CDC20B: variants seen among roughly 807,000 people sequenced by gnomAD.
The protein encoded by CDC20B is cell division cycle 20B.
CDC20B carries 58 observed loss-of-function variants against 64.1 expected under a neutral mutation model. The ratio of observed to expected loss-of-function variants is 0.90; its 90% CI spans 0.73 to 1.13. CDC20B has a LOEUF of 1.13. Ranked by LOEUF, CDC20B falls within the 50% of genes most tolerant of loss-of-function variation. The probability of loss-of-function intolerance (pLI) is 0.00; values close to 1 mark genes in which losing one functional copy is unlikely to be tolerated. For missense variants in CDC20B, 597 were observed against 633.0 expected, an observed-to-expected ratio of 0.94 and a Z score of 0.61; for synonymous variants, 243 against 230.6, an observed-to-expected ratio of 1.05 and a Z score of -0.49.
chr5:55,127,439 A>AT, intron 7 of CDC20B, 88 bp from the exon 8 acceptor site: 1 of 1,014,326 alleles, frequency 9.9e-7, no homozygotes, highest in Admixed American at 1.8e-5. Context: ...ATTACTGCTG[A>AT]TATTGTTAGT....
intron 2 of CDC20B, among the ~76,000 whole-genome samples, chr5:55,152,018 G>A (rs944838240): frequency 6.6e-6 from 1 of 152,252 alleles, no homozygotes; most frequent in East Asian, 1.9e-4. Flanking sequence ...ATCCCTGTAA[G>A]AGGAAGGCAG....
At chr5:55,144,544 T>A (rs1743419570) in intron 3 of CDC20B, among the ~76,000 whole-genome samples, 1 of 152,180 alleles carries the variant, frequency 6.6e-6, no homozygotes, top group African/African-American at 2.4e-5. Flanking sequence ...ACTGGGACAT[T>A]CAAAATTTAA....
chr5:55,168,383 C>T (rs1744485617), intron 2 of CDC20B, among the ~76,000 whole-genome samples: 1 of 151,878 alleles, frequency 6.6e-6, no homozygotes, highest in Non-Finnish European at 1.5e-5. Flanking sequence ...TCAGCAGAAC[C>T]TCCCTCCTCT....
rs76668286 is a variant in CDC20B at position 55,114,125 on chromosome 5, T to C, written c.*93A>G. On this transcript the variant is annotated 3_prime_UTR_variant, in exon 12 of 12. Coordinates refer to ENST00000381375, the MANE Select transcript of CDC20B (RefSeq NM_001170402.1). This position sits in a 1 kb window ranked among gnomAD's most constrained non-coding sequence, Gnocchi z 4.1. ...ACATCAAGAAGAGTATTTCAACTTG[T>C]TTGATACTCATAAAAACCCCATGGA... The C allele has an allele frequency of 1.3e-6, 2 of 1,495,764 alleles. No homozygotes were observed. The highest frequency in any genetic ancestry group is 2.5e-5 in the East Asian group (1 of 39,812). The allele number at this position is 1,495,764 out of a possible 1,614,324, so 92.7% of individuals were successfully genotyped here.
In CDC20B at chr5:55,142,368, G is replaced by A. The variant is rs139417777; in HGVS notation, c.486+1145C>T. ...AAAAAATGCTCTCCTTAACACCATA[G>A]AACAGCTTCCATTATCCCCTGCCCA... On this transcript the variant is annotated intron_variant, in intron 4 of 11. Transcript: ENST00000381375. 3.9e-5 allele frequency among the ~76,000 whole-genome samples: 6 copies of A among 152,200 alleles called. No homozygotes were observed. In the East Asian group the frequency reaches 1.2e-3, roughly 29 times the overall value.
At chr5:55,131,946 T>A (rs1378945204) in intron 6 of CDC20B, among the ~76,000 whole-genome samples, 1 of 151,892 alleles carries the variant, frequency 6.6e-6, no homozygotes, top group Non-Finnish European at 1.5e-5. Context: ...TGCCTGTAGC[T>A]ACACGCCCAG....
intron 11 of CDC20B, among the ~76,000 whole-genome samples, chr5:55,117,570 A>T (rs755267716): frequency 9.2e-5 from 14 of 152,162 alleles, no homozygotes; most frequent in Non-Finnish European, 1.8e-4. Flanking sequence ...GATCTCAGTC[A>T]TCAGGTGTAT....
intron 4 of CDC20B, 112 bp from the exon 5 acceptor site, chr5:55,140,519 T>C: frequency 1.6e-6 from 1 of 626,894 alleles, no homozygotes; most frequent in Non-Finnish European, 2.7e-6. Context: ...AGTTCAAAGA[T>C]TCCACATTGT....
chr5:55,146,858 T>C lies in CDC20B; in HGVS notation c.127-2A>G. 6.2e-7 allele frequency: 1 copy of C among 1,612,678 alleles called. No individual in the cohort carries two copies. Among genetic ancestry groups the C allele is most frequent in the Non-Finnish European group, 8.5e-7 (1 of 1,178,802 alleles). ...CGTAGCATTAACTGAATCGAGTACC[T>C]GTTTAACAACAAAAACAGCTGTAAG... is the stretch of plus-strand genomic sequence containing the variant. On this transcript the variant is annotated splice_acceptor_variant, in intron 2 of 11. Transcript: ENST00000381375. LOFTEE classifies it high-confidence loss of function.
chr5:55,164,386 A>G (rs1321683688), intron 2 of CDC20B: 2 of 405,196 alleles, frequency 4.9e-6, no homozygotes, highest in Non-Finnish European at 4.3e-6. Context: ...ATGCTATTAA[A>G]TGTGGCAATG....
At chr5:55,122,865 G>A (rs537335647) in intron 9 of CDC20B, among the ~76,000 whole-genome samples, 1 of 152,306 alleles carries the variant, frequency 6.6e-6, no homozygotes, top group African/African-American at 2.4e-5. Flanking sequence ...TTCCGATGCT[G>A]TCTGACTGCA....
In CDC20B at chr5:55,172,669, C is replaced by CAAT; in HGVS notation, c.64-20_64-19insATT. On this transcript the variant is annotated intron_variant, in intron 1 of 11. Transcript: ENST00000381375. ...TACTTTCCTTTGAAAACACAGATAA[C>CAAT]ATATTGAGGGAGAAACTATTTAGGA... The CAAT allele has an allele frequency of 6.4e-7, 1 of 1,565,538 alleles. No individual in the cohort carries two copies. The highest frequency in any genetic ancestry group is 8.8e-7 in the Non-Finnish European group (1 of 1,138,368).
At position 55,160,871 on chromosome 5, in the gene CDC20B, A is replaced by G. The variant is rs898069094; in HGVS notation, c.126+11717T>C. On this transcript the variant is annotated intron_variant, in intron 2 of 11. Transcript: ENST00000381375. ...AATAGAACTGTGTATGTCCAAAAAT[A>G]TGAAAAAAACATCAATCAGAGGTTA... The G allele has an allele frequency of 5.6e-6, 6 of 1,063,854 alleles. No homozygotes were observed. The Admixed American group carries it at 8.8e-5, about 16-fold the overall frequency. 65.9% of individuals were successfully genotyped at this position (1,063,854 alleles called of 1,614,324 possible). A position where few individuals can be genotyped will look rare whatever the true frequency, so the allele number is the denominator to read the frequency against.
chr5:55,172,445 A>G, intron 2 of CDC20B, 143 bp downstream of exon 2: 1 of 624,438 alleles, frequency 1.6e-6, no homozygotes, highest in East Asian at 2.8e-5. Context: ...TTCATAAAGA[A>G]ATTTTTTTTA....
intron 5 of CDC20B, among the ~76,000 whole-genome samples, chr5:55,133,797 C>A (rs1743088061): frequency 6.6e-6 from 1 of 152,082 alleles, no homozygotes. Context: ...GAAGATAGAT[C>A]TTGTGAGGAG....
chr5:55,156,071 C>G (rs1743800622), intron 2 of CDC20B, among the ~76,000 whole-genome samples: 1 of 152,164 alleles, frequency 6.6e-6, no homozygotes, highest in South Asian at 2.1e-4. Context: ...CTAGGGAGTC[C>G]TCACAATCAT....
chr5:55,169,747 C>T (rs962986173), intron 2 of CDC20B, among the ~76,000 whole-genome samples: 37 of 152,140 alleles, frequency 2.4e-4, no homozygotes, highest in Admixed American at 3.3e-4. Context: ...GGAAAATTAC[C>T]TCAACTTTCC....
rs551341380 is a variant in CDC20B, at chr5:55,127,398, G to A, written c.895-47C>T. 51 of 1,474,808 alleles carry A rather than the reference G, an allele frequency of 3.5e-5. 1 individual carries two copies. The South Asian group carries it at 5.4e-4, about 16-fold the overall frequency. 91.4% of individuals were successfully genotyped at this position (1,474,808 alleles called of 1,614,324 possible). A position where few individuals can be genotyped will look rare whatever the true frequency, so the allele number is the denominator to read the frequency against. On this transcript the variant is annotated intron_variant, in intron 7 of 11. Transcript: ENST00000381375. Reference sequence around the variant, plus strand: ...GTTATGTAGCATTGGAGTTTTCACAGCCCACTGTCTTCTCAAAGGCCTGAG... The same window carrying A: ...GTTATGTAGCATTGGAGTTTTCACAACCCACTGTCTTCTCAAAGGCCTGAG...
rs1000259581 is a variant in CDC20B, at chr5:55,143,723, T to C, written c.356-80A>G. On this transcript the variant is annotated intron_variant, in intron 3 of 11. Coordinates refer to ENST00000381375, the MANE Select transcript of CDC20B (RefSeq NM_001170402.1). ...TGATTGTAGGTCTGGCTGTGGCATC[T>C]TTCACAGAAGGACAGAGTGAAAAAG... is the stretch of plus-strand genomic sequence containing the variant. 1.6e-5 allele frequency: 22 copies of C among 1,385,674 alleles called. No homozygotes were observed. The Admixed American group carries it at 2.6e-4, about 17-fold the overall frequency. 85.8% of individuals were successfully genotyped at this position (1,385,674 alleles called of 1,614,324 possible).
Sources: allele counts gnomAD v4.1 joint callset (sites outside exome capture counted in the v4.1 genomes callset), GRCh38; gene constraint gnomAD v4.1.1; non-coding constraint Gnocchi (gnomAD v3.1); transcripts MANE v1.5; gene names NCBI Gene and HGNC (gene_info 2026-07-23, HGNC 2026-07-21).